EGFLAM: variants seen among roughly 807,000 people sequenced by gnomAD.
EGFLAM encodes the protein pikachurin.
Under a neutral mutation model 113.1 loss-of-function variants are expected in EGFLAM, and 79 were observed. The ratio of observed to expected loss-of-function variants is 0.70; its 90% CI spans 0.58 to 0.84. The LOEUF is 0.84. Ranked by LOEUF, EGFLAM falls within the 40% of genes least tolerant of loss-of-function variation. EGFLAM has a pLI of 0.00. For missense variants in EGFLAM, 1,265 were observed against 1,291.6 expected (o/e 0.98, Z 0.32); for synonymous variants, 504 against 487.6 (o/e 1.03, Z -0.44).
chr5:38,425,746 AT>A (rs1371658836), intron 13 of EGFLAM, among the ~76,000 whole-genome samples: 1 of 152,156 alleles, frequency 6.6e-6, no homozygotes, highest in Non-Finnish European at 1.5e-5. Context: ...AAAAGCCTGT[AT>A]TGGTATGGTT....
intron 6 of EGFLAM, among the ~76,000 whole-genome samples, chr5:38,387,607 T>C (rs947334855): frequency 6.6e-6 from 1 of 152,378 alleles, no homozygotes; most frequent in South Asian, 2.1e-4. Context: ...AGTCTTAGCA[T>C]TTCATGATTC....
chr5:38,292,393 A>C (rs2111797396), intron 1 of EGFLAM, among the ~76,000 whole-genome samples: 1 of 152,308 alleles, frequency 6.6e-6, no homozygotes, highest in Middle Eastern at 3.4e-3. Flanking sequence ...CTGCTGCTTA[A>C]ATGAAAAGTT....
At chr5:38,332,526 C>T (rs1739074090) in intron 1 of EGFLAM, among the ~76,000 whole-genome samples, 1 of 152,194 alleles carries the variant, frequency 6.6e-6, no homozygotes, top group South Asian at 2.1e-4. Flanking sequence ...TAAATACACG[C>T]ACACAGAAGT....
At chr5:38,390,503 A>T (rs1211064609) in intron 6 of EGFLAM, among the ~76,000 whole-genome samples, 3 of 152,154 alleles carry the variant, frequency 2.0e-5, no homozygotes, top group Admixed American at 6.5e-5. Flanking sequence ...AGCTTTCTTC[A>T]GCATGTGCTT....
chr5:38,398,204 T>A (rs1196966675), intron 6 of EGFLAM, among the ~76,000 whole-genome samples: 1 of 152,230 alleles, frequency 6.6e-6, no homozygotes, highest in Non-Finnish European at 1.5e-5. Flanking sequence ...GTTAAGAACC[T>A]AGATGAATGC....
At chr5:38,319,505 G>A (rs79350858) in intron 1 of EGFLAM, among the ~76,000 whole-genome samples, 7,875 of 152,228 alleles carry the variant, frequency 0.052, 266 homozygotes, top group Middle Eastern at 0.082. Flanking sequence ...AATAAAGAGC[G>A]AACACAAAAG....
chr5:38,374,179 A>G (rs913384927), intron 6 of EGFLAM, among the ~76,000 whole-genome samples: 2 of 152,074 alleles, frequency 1.3e-5, no homozygotes, highest in African/African-American at 2.4e-5. Flanking sequence ...TTTTTTGAGA[A>G]ATGTCTGTTC....
At chr5:38,259,016 C>A (rs974777102) in intron 1 of EGFLAM, among the ~76,000 whole-genome samples, 165 bp downstream of exon 1, 2 of 81,982 alleles carry the variant, frequency 2.4e-5, no homozygotes, top group African/African-American at 6.5e-5. Flanking sequence ...ACCTCGCCCT[C>A]CCCCGAGCCC....
chr5:38,260,140 A>T (rs1757463150), intron 1 of EGFLAM, among the ~76,000 whole-genome samples: 1 of 152,218 alleles, frequency 6.6e-6, no homozygotes, highest in African/African-American at 2.4e-5. Context: ...GTAATATCAC[A>T]TTAAATTGTT....
intron 12 of EGFLAM, among the ~76,000 whole-genome samples, chr5:38,420,688 C>T (rs1462715136): frequency 6.6e-6 from 1 of 152,174 alleles, no homozygotes; most frequent in Admixed American, 6.5e-5. Flanking sequence ...TCTGTTTCTT[C>T]AGGGGAACAG....
chr5:38,458,232 A>T, intron 19 of EGFLAM, 79 bp from the exon 20 acceptor site: 1 of 1,320,726 alleles, frequency 7.6e-7, no homozygotes, highest in Non-Finnish European at 1.0e-6. Flanking sequence ...TTTTGCCCTG[A>T]GAATCGTCTG....
intron 15 of EGFLAM, among the ~76,000 whole-genome samples, chr5:38,431,918 A>AGTG (rs1168660589): frequency 6.6e-6 from 1 of 152,206 alleles, no homozygotes; most frequent in Non-Finnish European, 1.5e-5. Flanking sequence ...TAGTAGCAGT[A>AGTG]GTGGTGGTGG....
intron 6 of EGFLAM, chr5:38,400,951 C>G (rs1307405999): frequency 6.6e-6 from 1 of 152,144 alleles, no homozygotes; most frequent in African/African-American, 2.4e-5. Flanking sequence ...TTCCATATTC[C>G]TTTTCCCCTT....
chr5:38,427,573 C>T (rs987610096), intron 14 of EGFLAM, among the ~76,000 whole-genome samples: 6 of 152,150 alleles, frequency 3.9e-5, no homozygotes, highest in African/African-American at 9.7e-5. Flanking sequence ...TCATGTCATC[C>T]GCAGAAACTT....
rs565590037 is a variant in EGFLAM, at chr5:38,258,769, A to G, written c.15A>G (p.Arg5=). The change falls in exon 1 of 22, where the codon CGA becomes CGG. Residue 5 remains arginine, a synonymous_variant. Transcript: ENST00000322350. ...CCGGCTGCGAAATGGATTTAATCCG[A>G]GGCGTCTTGCTCCGGCTCCTGCTCC... MDLI[R]GVLLRLLLLA... 8.3e-5 allele frequency: 134 copies of G among 1,611,152 alleles called. No individual in the cohort carries two copies. The highest frequency in any genetic ancestry group is 1.0e-4 in the Non-Finnish European group (121 of 1,179,104).
intron 6 of EGFLAM, among the ~76,000 whole-genome samples, chr5:38,397,279 T>C (rs183799675): frequency 5.9e-4 from 90 of 151,320 alleles, no homozygotes; most frequent in African/African-American, 1.6e-3. Context: ...AGCAGATTAT[T>C]TGGGGGAAAG....
At chr5:38,412,043 G>T (rs936267965) in intron 10 of EGFLAM, among the ~76,000 whole-genome samples, 1 of 151,916 alleles carries the variant, frequency 6.6e-6, no homozygotes, top group Non-Finnish European at 1.5e-5. Context: ...CAGGTGATCC[G>T]CCCGCCTTCG....
At chr5:38,422,205 C>T (rs562923702) in intron 12 of EGFLAM, among the ~76,000 whole-genome samples, 2 of 152,258 alleles carry the variant, frequency 1.3e-5, no homozygotes, top group South Asian at 2.1e-4. Flanking sequence ...GCTTTCTTAT[C>T]TAGCAGAAAC....
At chr5:38,452,185 G>A (rs1204217644) in intron 19 of EGFLAM, among the ~76,000 whole-genome samples, 1 of 151,732 alleles carries the variant, frequency 6.6e-6, no homozygotes, top group Non-Finnish European at 1.5e-5. Context: ...TATAGCACGT[G>A]CCACCATGTC....
Sources: allele counts gnomAD v4.1 joint callset (sites outside exome capture counted in the v4.1 genomes callset), GRCh38; gene constraint gnomAD v4.1.1; transcripts MANE v1.5; gene names NCBI Gene and HGNC (gene_info 2026-07-23, HGNC 2026-07-21).